The following LECT2 variants were observed in gnomAD, a reference collection of about 807,000 sequenced individuals.
LECT2 encodes leukocyte cell-derived chemotaxin-2.
In LECT2, 11 loss-of-function variants were observed where a neutral mutation model predicts 16.6. The observed-to-expected ratio is 0.66, with a 90% CI of 0.42 to 1.09. The LOEUF is 1.09. LECT2 is among the 50% of genes least tolerant of loss of function. The pLI is 0.00. For synonymous variants in LECT2, 54 were observed against 64.8 expected (o/e 0.83, Z 0.80); for missense variants, 173 against 184.2 (o/e 0.94, Z 0.35).
At chr5:135,951,153 A>G in intron 3 of LECT2, 70 bp downstream of exon 3, 1 of 1,414,778 alleles carries the variant, frequency 7.1e-7, no homozygotes, top group South Asian at 1.2e-5. Context: ...CTACGTATGG[A>G]ACCTGCATTA....
At chr5:135,947,626 A>G (rs1763723851) in intron 3 of LECT2, 129 bp from the exon 4 acceptor site, 1 of 1,051,476 alleles carries the variant, frequency 9.5e-7, no homozygotes, top group Admixed American at 3.2e-5. Flanking sequence ...ATAGATGAAA[A>G]TGACAAAATG....
At position 135,947,364 on chromosome 5, in the gene LECT2, G is replaced by GT. The variant is rs1386681383; in HGVS notation, c.422dup (p.Asn141LysfsTer3). On this transcript the variant is annotated frameshift_variant, in exon 4 of 4. Transcript: ENST00000274507. LOFTEE classifies it high-confidence loss of function. ...ATGCAGTAGGGTCACTCGAGTCACA[G>GT]TTTTCAATGTGCACATGCGATTGTA... is the stretch of plus-strand genomic sequence containing the variant. 1 of 1,614,016 alleles carries GT rather than the reference G, an allele frequency of 6.2e-7. No individual in the cohort carries two copies. The highest frequency in any genetic ancestry group is 1.7e-5 in the Admixed American group (1 of 60,026).
At position 135,951,213 on chromosome 5, in the gene LECT2, C is replaced by T. The variant is rs375623578; in HGVS notation, c.289+10G>A. 2.2e-5 allele frequency: 35 copies of T among 1,613,620 alleles called. 2 individuals carry two copies. In the Admixed American group the frequency reaches 5.8e-4, roughly 27 times the overall value. On this transcript the variant is annotated intron_variant, in intron 3 of 3. Coordinates refer to ENST00000274507, the MANE Select transcript of LECT2 (RefSeq NM_002302.3). ...GGAGGCACCCCAGGTGTAGACTCCA[C>T]CTCTCTTACCTCTTCCAGATATTCG...
chr5:135,948,364 G>A (rs139508758), intron 3 of LECT2, among the ~76,000 whole-genome samples: 61 of 152,184 alleles, frequency 4.0e-4, no homozygotes, highest in Middle Eastern at 3.4e-3. Context: ...TACACTAGTG[G>A]CACTGCAAAC....
At chr5:135,952,763 T>C (rs1763813014) in intron 2 of LECT2, 108 bp downstream of exon 2, 1 of 679,682 alleles carries the variant, frequency 1.5e-6, no homozygotes, top group South Asian at 1.9e-5. Flanking sequence ...CTCTGGTTTT[T>C]CATGCTGTCA....
chr5:135,947,616 A>G, intron 3 of LECT2, 119 bp from the exon 4 acceptor site: 2 of 1,121,008 alleles, frequency 1.8e-6, no homozygotes, highest in Non-Finnish European at 2.4e-6. Flanking sequence ...CAGGAGAGGA[A>G]TAGATGAAAA....
chr5:135,948,195 C>T (rs1011948221), intron 3 of LECT2, among the ~76,000 whole-genome samples: 2 of 152,102 alleles, frequency 1.3e-5, no homozygotes, highest in South Asian at 2.1e-4. Context: ...TGAAACAAGA[C>T]GAAGATAATG....
At chr5:135,952,722 G>T (rs189583037) in intron 2 of LECT2, 149 bp downstream of exon 2, 128 of 590,768 alleles carry the variant, frequency 2.2e-4, no homozygotes, top group Non-Finnish European at 6.2e-6. Flanking sequence ...CTTGGAAGCT[G>T]CTCCAAAGAC....
Position 135,952,851 on chromosome 5 carries a change from G to T in LECT2, c.143+20C>A, listed in dbSNP as rs373426817. 220 of 1,571,068 alleles carry T rather than the reference G, an allele frequency of 1.4e-4. No homozygotes were observed. In the African/African-American group the frequency reaches 2.8e-3, roughly 20 times the overall value. On this transcript the variant is annotated intron_variant, in intron 2 of 3. Coordinates refer to ENST00000274507, the MANE Select transcript of LECT2 (RefSeq NM_002302.3). ...GGTTAGGGACCAAAGGGTTGGGTGG[G>T]TGGTTGTGCAACTTCATACCTTTGA...
chr5:135,952,156 C>T (rs73290935), intron 2 of LECT2, among the ~76,000 whole-genome samples: 17 of 152,354 alleles, frequency 1.1e-4, no homozygotes, highest in African/African-American at 2.9e-4. Flanking sequence ...ATTCAAGGGA[C>T]GTTTCCCATA....
At chr5:135,947,756 C>T (rs900699680) in intron 3 of LECT2, among the ~76,000 whole-genome samples, 1 of 151,900 alleles carries the variant, frequency 6.6e-6, no homozygotes, top group Non-Finnish European at 1.5e-5. Context: ...AAAGGTGAGC[C>T]CTGAACAATG....
chr5:135,949,443 A>AAAAGCTAT (rs1763760148), intron 3 of LECT2, among the ~76,000 whole-genome samples: 1 of 152,224 alleles, frequency 6.6e-6, no homozygotes, highest in Admixed American at 6.5e-5. Context: ...GACCCTAGTG[A>AAAAGCTAT]AAAGCTATAT....
At chr5:135,948,656 AAAT>A (rs140730701) in intron 3 of LECT2, among the ~76,000 whole-genome samples, 55 of 144,902 alleles carry the variant, frequency 3.8e-4, no homozygotes, top group South Asian at 8.6e-4. Context: ...AGAAAATTTA[AAAT>A]AATAATAATA....
chr5:135,951,195 C>A, intron 3 of LECT2, 28 bp downstream of exon 3: 4 of 1,608,198 alleles, frequency 2.5e-6, no homozygotes, highest in African/African-American at 1.3e-5. Context: ...CCAGGAGGCA[C>A]CCCAGGTGTA....
At chr5:135,954,598 C>G (rs1763835793) in intron 1 of LECT2, among the ~76,000 whole-genome samples, 190 bp downstream of exon 1, 1 of 152,202 alleles carries the variant, frequency 6.6e-6, no homozygotes, top group Admixed American at 6.5e-5. Context: ...CATTAAAGAA[C>G]CGGAACATTC....
In LECT2 at chr5:135,954,727, C is replaced by T. The variant is rs532025825; in HGVS notation, c.46+61G>A. The T allele has an allele frequency of 2.1e-5, 25 of 1,189,968 alleles. No homozygotes were observed. In the Admixed American group the frequency reaches 3.1e-4, roughly 15 times the overall value. 73.7% of individuals were successfully genotyped at this position (1,189,968 alleles called of 1,614,324 possible). A position where few individuals can be genotyped will look rare whatever the true frequency, so the allele number is the denominator to read the frequency against. ...TTAATGACTTTTTAATCTTTTTAGT[C>T]TTCCCCTGAAATCAGTTTTTAAAAG... On this transcript the variant is annotated intron_variant, in intron 1 of 3. Coordinates refer to ENST00000274507, the MANE Select transcript of LECT2 (RefSeq NM_002302.3).
Position 135,951,243 on chromosome 5 carries a change from C to G in LECT2, c.269G>C (p.Gly90Ala), listed in dbSNP as rs1763791739. The G allele has an allele frequency of 6.2e-7, 1 of 1,614,168 alleles. No individual in the cohort carries two copies. Among genetic ancestry groups the G allele is most frequent in the Non-Finnish European group, 8.5e-7 (1 of 1,180,018 alleles). ...PYQNKNAINN[G>A]VRISGRGFCV... ...CTTACCTCTTCCAGATATTCGAACACCATTATTGATAGCATTCTTGTTTTG... is the reference window on the plus strand; with the variant it reads ...CTTACCTCTTCCAGATATTCGAACAGCATTATTGATAGCATTCTTGTTTTG... The change falls in exon 3 of 4, where the codon GGT (glycine) becomes GCT (alanine). Residue 90 changes from glycine (G) to alanine (A), a missense_variant. Physicochemically the swap from Gly to Ala is moderately conservative, Grantham distance 60. Transcript: ENST00000274507.
Position 135,954,777 on chromosome 5 carries a change from T to A in LECT2, c.46+11A>T, listed in dbSNP as rs1340841612. ...GTTAATCAATATTCTAAAATTGCACTTTCGACTTACCGGTAGAAATCAGAC... is the reference window on the plus strand; with the variant it reads ...GTTAATCAATATTCTAAAATTGCACATTCGACTTACCGGTAGAAATCAGAC... On this transcript the variant is annotated intron_variant, in intron 1 of 3. Coordinates refer to ENST00000274507, the MANE Select transcript of LECT2 (RefSeq NM_002302.3). 1.2e-6 allele frequency: 2 copies of A among 1,607,810 alleles called. No homozygotes were observed. Among genetic ancestry groups the A allele is most frequent in the African/African-American group, 2.7e-5 (2 of 74,820 alleles).
chr5:135,952,846 G>T (rs751419985), intron 2 of LECT2, 25 bp downstream of exon 2: 18 of 1,541,340 alleles, frequency 1.2e-5, no homozygotes, highest in African/African-American at 1.4e-5. Flanking sequence ...CAAAGGGTTG[G>T]GTGGGTGGTT....
Sources: allele counts gnomAD v4.1 joint callset (sites outside exome capture counted in the v4.1 genomes callset), GRCh38; gene constraint gnomAD v4.1.1; transcripts MANE v1.5; gene names NCBI Gene and HGNC (gene_info 2026-07-23, HGNC 2026-07-21).